DLGAP2: variants seen among roughly 807,000 people sequenced by gnomAD.
DLGAP2 encodes DLG associated protein 2, also known as disks large-associated protein 2.
Under a neutral mutation model 100.3 loss-of-function variants are expected in DLGAP2, and 26 were observed. That is an observed-to-expected ratio of 0.26 (90% confidence interval 0.19 to 0.36). The LOEUF (loss-of-function observed/expected upper bound fraction) is 0.36. Among genes scored for constraint, DLGAP2 ranks in the 10% least tolerant of loss-of-function variants. The probability of loss-of-function intolerance (pLI) is 1.00; values close to 1 mark genes in which losing one functional copy is unlikely to be tolerated. For missense variants in DLGAP2, 1,858 were observed against 1,453.2 expected (o/e 1.28, Z -4.53); for synonymous variants, 886 against 630.1 (o/e 1.41, Z -6.08).
rs553496316 is a variant in DLGAP2 at position 1,342,487 on chromosome 8, G to A, written c.106+83604G>A. The stretch of plus-strand genomic sequence containing the variant: ...GCACAGTTCAGCTAACTTTTTCTGT[G>A]AAGGGCCAAGTAGTTAATAGTTTGG... On this transcript the variant is annotated intron_variant, in intron 3 of 14. Coordinates refer to ENST00000637795, the MANE Select transcript of DLGAP2 (RefSeq NM_001346810.2). Among the ~76,000 whole-genome samples, 66 of 148,680 alleles carry A rather than the reference G, an allele frequency of 4.4e-4. No individual in the cohort carries two copies. In the South Asian group the frequency reaches 5.8e-3, roughly 13 times the overall value.
At chr8:1,446,426 G>A (rs1797988024) in intron 3 of DLGAP2, among the ~76,000 whole-genome samples, 3 of 152,068 alleles carry the variant, frequency 2.0e-5, no homozygotes, top group Admixed American at 2.0e-4. Flanking sequence ...ATTTCTGAGG[G>A]CTCTGTTCTG....
intron 2 of DLGAP2, among the ~76,000 whole-genome samples, chr8:1,063,303 G>T (rs1803144332): frequency 1.3e-5 from 2 of 152,084 alleles, no homozygotes; most frequent in Admixed American, 6.5e-5. Context: ...AAGTGTGATG[G>T]GAATTGCTGA....
At chr8:1,263,461 A>G (rs1799390988) in intron 3 of DLGAP2, among the ~76,000 whole-genome samples, 1 of 152,176 alleles carries the variant, frequency 6.6e-6, no homozygotes, top group Non-Finnish European at 1.5e-5. Flanking sequence ...ATATTTTATC[A>G]CAACTAGGAG....
chr8:1,068,637 T>C (rs902482892), intron 2 of DLGAP2, among the ~76,000 whole-genome samples: 2 of 148,438 alleles, frequency 1.3e-5, no homozygotes, highest in African/African-American at 5.2e-5. Context: ...AGCGGGGAGA[T>C]GAGGGAACAA....
At chr8:1,473,846 A>G (rs1326311522) in intron 3 of DLGAP2, among the ~76,000 whole-genome samples, 3 of 152,146 alleles carry the variant, frequency 2.0e-5, no homozygotes, top group Non-Finnish European at 4.4e-5. Context: ...CTTGTCTGCC[A>G]CCATGTAAGA....
Position 1,013,608 on chromosome 8 carries a change from G to GTGTGTGTGACCAGGACAGACGCCTCCAC in DLGAP2, c.73+105663_73+105664insCCTCCACTGTGTGTGACCAGGACAGACG, listed in dbSNP as rs1563144200. 2.6e-4 allele frequency among the ~76,000 whole-genome samples: 37 copies of GTGTGTGTGACCAGGACAGACGCCTCCAC among 140,902 alleles called. 2 individuals are homozygous for GTGTGTGTGACCAGGACAGACGCCTCCAC. The highest frequency in any genetic ancestry group is 1.2e-3 in the East Asian group (6 of 5,010). 92.4% of individuals were successfully genotyped at this position (140,902 alleles called of 152,430 possible). A position where few individuals can be genotyped will look rare whatever the true frequency, so the allele number is the denominator to read the frequency against. ...CAAACGGACAGACGGCGCCTCCACT[G>GTGTGTGTGACCAGGACAGACGCCTCCAC]TGTGTGTGACCAGGACAGACGGTGC... On this transcript the variant is annotated intron_variant, in intron 2 of 14. Coordinates refer to ENST00000637795, the MANE Select transcript of DLGAP2 (RefSeq NM_001346810.2).
intron 3 of DLGAP2, among the ~76,000 whole-genome samples, chr8:1,267,523 C>T (rs1319248102): frequency 1.3e-5 from 2 of 148,860 alleles, no homozygotes; most frequent in Non-Finnish European, 3.0e-5. Flanking sequence ...TGTGCCACTG[C>T]ACTCCAGCCT....
At chr8:1,548,065 C>G (rs1024763238) in intron 4 of DLGAP2, among the ~76,000 whole-genome samples, 1 of 152,168 alleles carries the variant, frequency 6.6e-6, no homozygotes. Flanking sequence ...CAAAATCCGG[C>G]TGTCAAGAGA....
intron 2 of DLGAP2, among the ~76,000 whole-genome samples, chr8:1,222,746 G>C (rs1221593890): frequency 6.6e-6 from 1 of 152,112 alleles, no homozygotes; most frequent in African/African-American, 2.4e-5. Flanking sequence ...GACGGGCTCT[G>C]CTGGTGAGAG....
chr8:1,496,102 C>A (rs1477964970), intron 3 of DLGAP2, among the ~76,000 whole-genome samples: 1 of 152,210 alleles, frequency 6.6e-6, no homozygotes, highest in Non-Finnish European at 1.5e-5. Flanking sequence ...AGTCAGGTTT[C>A]TTCTTGCAAG....
At chr8:953,204 C>A (rs1799522069) in intron 2 of DLGAP2, among the ~76,000 whole-genome samples, 1 of 150,640 alleles carries the variant, frequency 6.6e-6, no homozygotes, top group Non-Finnish European at 1.5e-5. Context: ...TTTCTTTTTT[C>A]TTTTTTTTGA....
At chr8:1,317,426 C>G (rs13252194) in intron 3 of DLGAP2, among the ~76,000 whole-genome samples, 1 of 141,196 alleles carries the variant, frequency 7.1e-6, no homozygotes, top group Non-Finnish European at 1.5e-5. Flanking sequence ...GGTCTACACT[C>G]GAGAAACTTC....
At chr8:1,044,738 C>G (rs768000260) in intron 2 of DLGAP2, among the ~76,000 whole-genome samples, 1 of 152,208 alleles carries the variant, frequency 6.6e-6, no homozygotes, top group Non-Finnish European at 1.5e-5. Flanking sequence ...TTTCAGCTCC[C>G]TGTGTCTGTG....
intron 5 of DLGAP2, among the ~76,000 whole-genome samples, chr8:1,551,736 C>T (rs550059265): frequency 3.9e-5 from 6 of 152,296 alleles, no homozygotes; most frequent in Admixed American, 1.3e-4. Flanking sequence ...AAATCCCACA[C>T]GACAGACAGA....
At chr8:1,254,168 T>G (rs1799117059) in intron 2 of DLGAP2, among the ~76,000 whole-genome samples, 1 of 152,150 alleles carries the variant, frequency 6.6e-6, no homozygotes, top group Non-Finnish European at 1.5e-5. Flanking sequence ...GATCCCACCC[T>G]TGCAGGTCTC....
intron 6 of DLGAP2, among the ~76,000 whole-genome samples, chr8:1,622,716 A>G (rs191825887): frequency 5.0e-4 from 76 of 152,354 alleles, no homozygotes; most frequent in African/African-American, 1.8e-3. Context: ...AAAACTTTTC[A>G]CTATTTAAAA....
chr8:1,418,806 C>T, intron 3 of DLGAP2, among the ~76,000 whole-genome samples: 1 of 152,350 alleles, frequency 6.6e-6, no homozygotes, highest in Admixed American at 6.5e-5. Flanking sequence ...TCAGACCCCG[C>T]AGGTTAAGGA....
chr8:1,088,096 G>A (rs1480381957), intron 2 of DLGAP2, among the ~76,000 whole-genome samples: 2 of 152,222 alleles, frequency 1.3e-5, no homozygotes, highest in Non-Finnish European at 2.9e-5. Flanking sequence ...GCCCCACAGG[G>A]GATGTCTGCT....
At chr8:987,474 A>T (rs570512351) in intron 2 of DLGAP2, among the ~76,000 whole-genome samples, 1 of 152,292 alleles carries the variant, frequency 6.6e-6, no homozygotes, top group South Asian at 2.1e-4. Flanking sequence ...CAGGAGGAAG[A>T]GACAGGCCCA....
Sources: allele counts gnomAD v4.1 joint callset (sites outside exome capture counted in the v4.1 genomes callset), GRCh38; gene constraint gnomAD v4.1.1; transcripts MANE v1.5; gene names NCBI Gene and HGNC (gene_info 2026-07-23, HGNC 2026-07-21).